The following NLN variants were observed in gnomAD, a reference collection of about 807,000 sequenced individuals.
The protein encoded by NLN is neurolysin.
Under a neutral mutation model 79.9 loss-of-function variants are expected in NLN, and 64 were observed. The ratio of observed to expected loss-of-function variants is 0.80; its 90% confidence interval spans 0.65 to 0.99. The LOEUF (loss-of-function observed/expected upper bound fraction) is 0.99. Among genes scored for constraint, NLN ranks in the 50% least tolerant of loss-of-function variants. The probability of loss-of-function intolerance (pLI) is 0.00; values close to 1 mark genes in which losing one functional copy is unlikely to be tolerated. For missense variants in NLN, 835 were observed against 858.7 expected (o/e 0.97, Z 0.34); for synonymous variants, 267 against 296.6 (o/e 0.90, Z 1.02).
intron 12 of NLN, among the ~76,000 whole-genome samples, chr5:65,818,101 C>T (rs953976433): frequency 1.4e-4 from 22 of 152,326 alleles, no homozygotes; most frequent in African/African-American, 5.3e-4. Flanking sequence ...TGAATATTTA[C>T]AAGGCCAGGC....
rs1760120820 is a variant in NLN, at chr5:65,794,047, A to G, written c.1527+1392A>G. 2.0e-5 allele frequency among the ~76,000 whole-genome samples: 3 copies of G among 152,338 alleles called. No individual in the cohort carries two copies. In the South Asian group the frequency reaches 6.2e-4, roughly 32 times the overall value. On this transcript the variant is annotated intron_variant, in intron 9 of 12. Transcript: ENST00000380985. ...AAATTTTTGTATTTTTCAAGTGATA[A>G]TGCTTGGATATGACTATGCAGTAAG...
chr5:65,724,863 G>T (rs1350392996), intron 1 of NLN, among the ~76,000 whole-genome samples: 15 of 148,732 alleles, frequency 1.0e-4, no homozygotes, highest in African/African-American at 3.7e-4. Context: ...ATGCAGTGGC[G>T]CTATCTCGGC....
intron 1 of NLN, among the ~76,000 whole-genome samples, chr5:65,751,667 C>A (rs1290397993): frequency 6.6e-6 from 1 of 152,126 alleles, no homozygotes; most frequent in East Asian, 1.9e-4. Context: ...AGAAAATGAA[C>A]CCCATAAATC....
chr5:65,804,788 T>G lies in NLN; in HGVS notation c.1528-4727T>G, dbSNP rs1381427778. ...TCAAATGATCTGCCTACCTCGGCCT[T>G]CTGAAGTTCTGGGATTACAGATGTG... On this transcript the variant is annotated intron_variant, in intron 9 of 12. Coordinates refer to ENST00000380985, the MANE Select transcript of NLN (RefSeq NM_020726.5). 2.0e-5 allele frequency among the ~76,000 whole-genome samples: 3 copies of G among 152,176 alleles called. No homozygotes were observed. In the East Asian group the frequency reaches 5.8e-4, roughly 29 times the overall value.
intron 12 of NLN, among the ~76,000 whole-genome samples, chr5:65,815,643 A>G (rs1190680103): frequency 6.6e-6 from 1 of 152,176 alleles, no homozygotes; most frequent in African/African-American, 2.4e-5. Context: ...CCTGGCTCCA[A>G]AAGCCAAGAA....
chr5:65,753,377 G>A (rs796262608), intron 1 of NLN, among the ~76,000 whole-genome samples: 7 of 152,210 alleles, frequency 4.6e-5, no homozygotes, highest in African/African-American at 1.4e-4. Flanking sequence ...GGCTGGGCAC[G>A]GTGGCTCATG....
At chr5:65,770,654 A>G (rs922061014) in intron 3 of NLN, among the ~76,000 whole-genome samples, 22 of 152,304 alleles carry the variant, frequency 1.4e-4, no homozygotes, top group African/African-American at 3.8e-4. Context: ...AACCTAGCAC[A>G]TCCTCCCACT....
In NLN at chr5:65,812,301, T is replaced by A; in HGVS notation, c.1890T>A (p.Asp630Glu). 6.2e-7 allele frequency: 1 copy of A among 1,610,560 alleles called. No individual in the cohort carries two copies. Residue 630 changes from aspartate to glutamate, a missense_variant, in exon 12 of 13, where the codon GAT becomes GAA. Coordinates refer to ENST00000380985, the MANE Select transcript of NLN (RefSeq NM_020726.5). The stretch of plus-strand genomic sequence containing the variant: ...TTGGACATTTGGCAGGGGGATACGA[T>A]GGCCAATATTATGGATATCTTTGGA... ...ATFGHLAGGYDGQYYGYLWSE... is the reference protein window; with the variant it reads ...ATFGHLAGGYEGQYYGYLWSE...
chr5:65,730,106 G>A (rs1358382179), intron 1 of NLN, among the ~76,000 whole-genome samples: 1 of 152,112 alleles, frequency 6.6e-6, no homozygotes, highest in Non-Finnish European at 1.5e-5. Context: ...CTTGGTCTGG[G>A]GATATAGCAA....
At chr5:65,779,582 T>C (rs1759754087) in intron 4 of NLN, among the ~76,000 whole-genome samples, 1 of 152,234 alleles carries the variant, frequency 6.6e-6, no homozygotes, top group Admixed American at 6.5e-5. Flanking sequence ...AAATTTTGAA[T>C]TGGAAACAAT....
chr5:65,810,235 AGAT>A, intron 11 of NLN, 70 bp downstream of exon 11: 1 of 1,359,344 alleles, frequency 7.4e-7, no homozygotes, highest in Non-Finnish European at 1.0e-6. Context: ...ACTGCAGGGG[AGAT>A]GGAGTTTGTC....
At chr5:65,758,972 T>G (rs1404101755) in intron 2 of NLN, 146 bp downstream of exon 2, 1 of 750,216 alleles carries the variant, frequency 1.3e-6, no homozygotes, top group Admixed American at 2.7e-5. Flanking sequence ...GATTTTAAAA[T>G]TGTTTATGTT....
At chr5:65,752,631 A>G (rs1759124675) in intron 1 of NLN, among the ~76,000 whole-genome samples, 1 of 152,180 alleles carries the variant, frequency 6.6e-6, no homozygotes, top group African/African-American at 2.4e-5. Flanking sequence ...GAAGGGGAAG[A>G]CGAGATCAAT....
intron 2 of NLN, among the ~76,000 whole-genome samples, chr5:65,761,729 C>T (rs1479648194): frequency 6.6e-6 from 1 of 152,158 alleles, no homozygotes; most frequent in African/African-American, 2.4e-5. Context: ...ATCCTAAAAG[C>T]ATAATTTCAT....
intron 1 of NLN, among the ~76,000 whole-genome samples, chr5:65,747,030 C>A (rs2150740557): frequency 6.7e-6 from 1 of 150,216 alleles, no homozygotes; most frequent in South Asian, 2.1e-4. Flanking sequence ...AAAGATTTTG[C>A]TGAGAGAGAT....
At chr5:65,788,535 A>G (rs1315971649) in intron 8 of NLN, 51 bp downstream of exon 8, 5 of 1,554,194 alleles carry the variant, frequency 3.2e-6, no homozygotes, top group Non-Finnish European at 4.4e-6. Context: ...AGCTATGCCT[A>G]CTTTAAGACT....
intron 1 of NLN, among the ~76,000 whole-genome samples, chr5:65,750,151 G>A (rs532886008): frequency 1.3e-5 from 2 of 152,332 alleles, no homozygotes; most frequent in East Asian, 3.9e-4. Context: ...TCTCAGGAAT[G>A]GGATCATCCA....
In NLN at chr5:65,788,458, A is replaced by G; in HGVS notation, c.1299A>G (p.Gly433=). The change falls in exon 8 of 13, where the codon GGA becomes GGG. Residue 433 remains glycine (G), a synonymous_variant. Coordinates refer to ENST00000380985, the MANE Select transcript of NLN (RefSeq NM_020726.5). ...VKDKATGEVL[G]QFYLDLYPRE... is the part of the protein sequence containing the mutation. ...ATAAAGCTACAGGAGAAGTATTGGG[A>G]CAGTTCTATTTGGACCTCTATCCAA... 1 of 1,613,984 alleles carries G rather than the reference A, an allele frequency of 6.2e-7. No homozygotes were observed.
intron 9 of NLN, among the ~76,000 whole-genome samples, chr5:65,797,350 T>C (rs1760194876): frequency 6.6e-6 from 1 of 152,224 alleles, no homozygotes. Context: ...GCAGAAGAAC[T>C]TCAAATTGTG....
Sources: gnomAD v4.1 joint callset for allele counts (sites outside exome capture counted in the v4.1 genomes callset) on GRCh38, gnomAD v4.1.1 for gene constraint, MANE v1.5 for transcripts, NCBI Gene and HGNC (gene_info 2026-07-23, HGNC 2026-07-21) for gene names.